The following SBF2 variants were observed in gnomAD, a reference collection of about 807,000 sequenced individuals.
The protein encoded by SBF2 is SET binding factor 2, also known as myotubularin-related protein 13.
Under a neutral mutation model 225.2 loss-of-function variants are expected in SBF2, and 112 were observed. That is an observed-to-expected ratio of 0.50 (90% CI 0.43 to 0.58). The LOEUF is 0.58. SBF2 is among the 20% of genes least tolerant of loss of function. The pLI, the probability that SBF2 is intolerant of heterozygous loss-of-function variation, is 0.00. For synonymous variants in SBF2, 763 were observed against 773.3 expected, an observed-to-expected ratio of 0.99 and a Z score of 0.22; for missense variants, 1,996 against 2,206.2, an observed-to-expected ratio of 0.90 and a Z score of 1.91.
chr11:10,024,184 T>C (rs1269631496), intron 6 of SBF2, among the ~76,000 whole-genome samples: 1 of 152,228 alleles, frequency 6.6e-6, no homozygotes, highest in Non-Finnish European at 1.5e-5. Flanking sequence ...TAGTATTACA[T>C]TGTATGAACA....
chr11:9,970,278 C>T (rs1001930130), intron 13 of SBF2, among the ~76,000 whole-genome samples: 4 of 151,608 alleles, frequency 2.6e-5, no homozygotes, highest in African/African-American at 9.7e-5. Context: ...GTGATCTCGG[C>T]TCACTGCAAG....
chr11:9,885,251 C>CAAAA (rs71453937), intron 17 of SBF2, among the ~76,000 whole-genome samples: 2,291 of 37,512 alleles, frequency 0.061, 68 homozygotes, highest in Middle Eastern at 0.1. Context: ...ACTTTTCCTC[C>CAAAA]AAAAAAAAAA....
chr11:10,080,389 A>C (rs956330162), intron 2 of SBF2, among the ~76,000 whole-genome samples: 1 of 152,092 alleles, frequency 6.6e-6, no homozygotes, highest in Non-Finnish European at 1.5e-5. Context: ...AAAAACTCAA[A>C]GAAGTTTTTA....
rs760815783 is a variant in SBF2 at position 10,287,270 on chromosome 11, C to CCTAT, written c.55+6741_55+6744dup. ...ACTTTTTGGAAGCATGAAAATGTTC[C>CCTAT]CTATCTATCTATCTATCTACCTATT... is the stretch of plus-strand genomic sequence containing the variant. On this transcript the variant is annotated intron_variant, in intron 1 of 39. Transcript: ENST00000256190. Among the ~76,000 whole-genome samples, 21 of 152,166 alleles carry CCTAT rather than the reference C, an allele frequency of 1.4e-4. No homozygotes were observed. In the East Asian group the frequency reaches 1.9e-3, roughly 14 times the overall value.
intron 1 of SBF2, among the ~76,000 whole-genome samples, chr11:10,275,899 A>C (rs1230490011): frequency 6.6e-6 from 1 of 152,182 alleles, no homozygotes; most frequent in Non-Finnish European, 1.5e-5. Context: ...CTCTAAATTT[A>C]TGTGGTATTC....
At chr11:10,264,231 T>C (rs1051100517) in intron 1 of SBF2, among the ~76,000 whole-genome samples, 1 of 152,210 alleles carries the variant, frequency 6.6e-6, no homozygotes, top group South Asian at 2.1e-4. Context: ...ACAGTGATAC[T>C]TGGTCACCTT....
intron 2 of SBF2, among the ~76,000 whole-genome samples, chr11:10,134,249 C>T (rs925190826): frequency 4.6e-5 from 7 of 152,088 alleles, no homozygotes; most frequent in African/African-American, 1.7e-4. Flanking sequence ...GAAAGACCTG[C>T]CCCCCTGATT....
intron 2 of SBF2, among the ~76,000 whole-genome samples, chr11:10,080,335 G>A (rs1213801926): frequency 6.7e-6 from 1 of 148,710 alleles, no homozygotes; most frequent in Admixed American, 6.7e-5. Flanking sequence ...TCCTAGACAA[G>A]GAAATGCTGA....
At chr11:10,021,582 C>A (rs1487601040) in intron 6 of SBF2, among the ~76,000 whole-genome samples, 1 of 152,052 alleles carries the variant, frequency 6.6e-6, no homozygotes, top group African/African-American at 2.4e-5. Flanking sequence ...AACACAGAGA[C>A]CTTTTAAACT....
chr11:10,286,405 GCGA>G (rs1490004880), intron 1 of SBF2, among the ~76,000 whole-genome samples: 5 of 39,354 alleles, frequency 1.3e-4, no homozygotes. Flanking sequence ...GTGCAGTTGT[GCGA>G]TCTCGGCTCA....
chr11:9,963,717 G>A (rs946294128), intron 15 of SBF2, 56 bp downstream of exon 15: 24 of 856,484 alleles, frequency 2.8e-5, no homozygotes, highest in African/African-American at 8.4e-5. Context: ...ACCTCAGCAC[G>A]TAAATCTGAA....
chr11:10,222,326 C>A (rs1345532752), intron 1 of SBF2, among the ~76,000 whole-genome samples: 2 of 152,092 alleles, frequency 1.3e-5, no homozygotes, highest in East Asian at 3.8e-4. Flanking sequence ...CCAGGATGAT[C>A]CAGATGTTGG....
intron 17 of SBF2, among the ~76,000 whole-genome samples, chr11:9,868,011 T>C (rs1223840343): frequency 6.6e-6 from 1 of 152,168 alleles, no homozygotes; most frequent in Non-Finnish European, 1.5e-5. Flanking sequence ...ATTTGAAATG[T>C]TCCCAACACA....
At chr11:10,115,274 T>A (rs552228679) in intron 2 of SBF2, among the ~76,000 whole-genome samples, 11 of 152,340 alleles carry the variant, frequency 7.2e-5, no homozygotes, top group Admixed American at 7.2e-4. Context: ...ATCACCTTTT[T>A]AATAAAGGAA....
At chr11:10,028,579 AAC>A (rs147574797) in intron 5 of SBF2, 22 bp from the exon 6 acceptor site, 1,829 of 1,357,908 alleles carry the variant, frequency 1.3e-3, no homozygotes, top group African/African-American at 1.9e-3. Flanking sequence ...GAGAAACACA[AAC>A]ACACACACAC....
At chr11:10,232,543 C>T (rs144821645) in intron 1 of SBF2, among the ~76,000 whole-genome samples, 5 of 150,982 alleles carry the variant, frequency 3.3e-5, no homozygotes, top group African/African-American at 1.2e-4. Context: ...TTCTTTTTTA[C>T]ATTTTTATTT....
chr11:10,127,727 G>C (rs889548321), intron 2 of SBF2, among the ~76,000 whole-genome samples: 2 of 152,162 alleles, frequency 1.3e-5, no homozygotes, highest in Non-Finnish European at 2.9e-5. Context: ...TTAAGAGATA[G>C]GGATTTTGGT....
At chr11:10,040,047 G>T (rs1471373966) in intron 3 of SBF2, among the ~76,000 whole-genome samples, 3 of 151,914 alleles carry the variant, frequency 2.0e-5, no homozygotes, top group African/African-American at 7.2e-5. Flanking sequence ...TATGGAGTTA[G>T]AAAATAATCA....
In SBF2 at chr11:9,806,996, C is replaced by T. The variant is rs992049307; in HGVS notation, c.4443+1004G>A. On this transcript the variant is annotated intron_variant, in intron 32 of 39. Coordinates refer to ENST00000256190, the MANE Select transcript of SBF2 (RefSeq NM_030962.4). ...AAACAAAATAAAACATAACCACATA[C>T]TAACTTGGTGTCATCACAGTTAGTT... Among the ~76,000 whole-genome samples, 4 of 152,326 alleles carry T rather than the reference C, an allele frequency of 2.6e-5. No individual in the cohort carries two copies. In the East Asian group the frequency reaches 5.8e-4, roughly 22 times the overall value.
Sources: gnomAD v4.1 joint callset for allele counts (sites outside exome capture counted in the v4.1 genomes callset) on GRCh38, gnomAD v4.1.1 for gene constraint, MANE v1.5 for transcripts, NCBI Gene and HGNC (gene_info 2026-07-23, HGNC 2026-07-21) for gene names.